Variants in PDE5A observed in about 807,000 individuals in gnomAD.
PDE5A encodes the protein phosphodiesterase 5A.
Under a neutral mutation model 110.2 loss-of-function variants are expected in PDE5A, and 67 were observed. The observed-to-expected ratio is 0.61, with a 90% CI of 0.50 to 0.75. The LOEUF (loss-of-function observed/expected upper bound fraction) is 0.75. PDE5A is among the 30% of genes least tolerant of loss of function. The pLI, the probability that PDE5A is intolerant of heterozygous loss-of-function variation, is 0.00. For synonymous variants in PDE5A, 328 were observed against 351.2 expected (o/e 0.93, Z 0.74); for missense variants, 862 against 1,045.1 (o/e 0.82, Z 2.42).
intron 13 of PDE5A, 91 bp downstream of exon 13, chr4:119,520,844 T>G (rs17291073): frequency 0.031 from 32,761 of 1,058,776 alleles, 622 homozygotes; most frequent in Non-Finnish European, 0.038. Flanking sequence ...TAAATCATTG[T>G]GCACCTTAAA....
chr4:119,507,179 CAA>C (rs1032805324), intron 16 of PDE5A, among the ~76,000 whole-genome samples: 4 of 151,978 alleles, frequency 2.6e-5, no homozygotes, highest in Middle Eastern at 3.4e-3. Flanking sequence ...TAAAAAGAAA[CAA>C]GAGTTACTTG....
At chr4:119,504,892 T>C (rs1244370697) in intron 17 of PDE5A, among the ~76,000 whole-genome samples, 2 of 152,050 alleles carry the variant, frequency 1.3e-5, no homozygotes, top group African/African-American at 4.8e-5. Context: ...TCTTGCCTGC[T>C]TTTATTATTT....
In PDE5A at chr4:119,627,068, G is replaced by A. The variant is rs914312222; in HGVS notation, c.152+1452C>T. Reference sequence around the variant, plus strand: ...ATACATCGTCCCACTGGTGCCACCGGGGCGCCACCACCCAGCACCCGAGAC... The same window carrying A: ...ATACATCGTCCCACTGGTGCCACCGAGGCGCCACCACCCAGCACCCGAGAC... On this transcript the variant is annotated intron_variant, in intron 1 of 20. Transcript: ENST00000354960. The surrounding 1 kb of genome is among the most constrained non-coding windows in gnomAD (Gnocchi z 4.6). The A allele has an allele frequency of 1.3e-6, 2 of 1,509,562 alleles. No individual in the cohort carries two copies. Among genetic ancestry groups the A allele is most frequent in the Non-Finnish European group, 1.8e-6 (2 of 1,096,550 alleles). The allele number at this position is 1,509,562 out of a possible 1,614,324, so 93.5% of individuals were successfully genotyped here. A position where few individuals can be genotyped will look rare whatever the true frequency, so the allele number is the denominator to read the frequency against.
At chr4:119,558,718 C>T (rs933790969) in intron 7 of PDE5A, among the ~76,000 whole-genome samples, 2 of 151,816 alleles carry the variant, frequency 1.3e-5, no homozygotes, top group Admixed American at 1.3e-4. Flanking sequence ...CTAACTTTAC[C>T]ATCCCAGCTA....
intron 20 of PDE5A, among the ~76,000 whole-genome samples, 178 bp from the exon 21 acceptor site, chr4:119,498,916 C>T (rs2110447908): frequency 6.6e-6 from 1 of 152,258 alleles, no homozygotes; most frequent in South Asian, 2.1e-4. Context: ...TTCTAAAACA[C>T]TACAGATAAG....
intron 3 of PDE5A, among the ~76,000 whole-genome samples, chr4:119,580,369 C>T (rs539113174): frequency 6.6e-6 from 1 of 152,296 alleles, no homozygotes; most frequent in South Asian, 2.1e-4. Flanking sequence ...ATAGCCATTG[C>T]GAGCAAAGTC....
intron 1 of PDE5A, among the ~76,000 whole-genome samples, chr4:119,617,545 T>C (rs1190993096): frequency 6.6e-6 from 1 of 152,174 alleles, no homozygotes; most frequent in Admixed American, 6.5e-5. Context: ...GAAAATTAAT[T>C]AAAATATTTT....
At chr4:119,505,226 A>G (rs1225211752) in intron 17 of PDE5A, among the ~76,000 whole-genome samples, 1 of 150,204 alleles carries the variant, frequency 6.7e-6, no homozygotes, top group African/African-American at 2.5e-5. Context: ...ATTGAACTCT[A>G]TGCTTCAGTT....
intron 11 of PDE5A, among the ~76,000 whole-genome samples, chr4:119,529,539 G>C (rs757860391): frequency 6.6e-6 from 1 of 152,088 alleles, no homozygotes; most frequent in Non-Finnish European, 1.5e-5. Context: ...CATTATTTTG[G>C]GGGGACGTGA....
intron 3 of PDE5A, among the ~76,000 whole-genome samples, chr4:119,589,017 T>G (rs1443691747): frequency 6.6e-6 from 1 of 152,176 alleles, no homozygotes; most frequent in African/African-American, 2.4e-5. Flanking sequence ...AAACTGAATT[T>G]CTACTTAATA....
chr4:119,566,045 T>C (rs974139862), intron 4 of PDE5A, among the ~76,000 whole-genome samples: 3 of 151,402 alleles, frequency 2.0e-5, no homozygotes, highest in Non-Finnish European at 4.4e-5. Context: ...CACAATGTGA[T>C]AGAGCCTTAA....
At chr4:119,557,518 A>G (rs1727584900) in intron 7 of PDE5A, among the ~76,000 whole-genome samples, 1 of 152,196 alleles carries the variant, frequency 6.6e-6, no homozygotes, top group African/African-American at 2.4e-5. Context: ...GAGCTTGAAA[A>G]GATAAATTTC....
At chr4:119,575,545 G>T (rs1728303602) in intron 3 of PDE5A, among the ~76,000 whole-genome samples, 1 of 152,138 alleles carries the variant, frequency 6.6e-6, no homozygotes, top group Non-Finnish European at 1.5e-5. Context: ...CATTCTTAAA[G>T]AAAAGAATTT....
At chr4:119,579,245 T>A (rs1390087930) in intron 3 of PDE5A, among the ~76,000 whole-genome samples, 2 of 152,192 alleles carry the variant, frequency 1.3e-5, no homozygotes, top group African/African-American at 4.8e-5. Flanking sequence ...TTGGTGGGAC[T>A]GTAAACTAGT....
intron 1 of PDE5A, among the ~76,000 whole-genome samples, chr4:119,615,158 A>C (rs1729890443): frequency 6.6e-6 from 1 of 152,176 alleles, no homozygotes; most frequent in African/African-American, 2.4e-5. Context: ...CACAGTTTGC[A>C]GTATGAATAG....
chr4:119,586,150 A>G (rs1728756982), intron 3 of PDE5A, among the ~76,000 whole-genome samples: 1 of 152,258 alleles, frequency 6.6e-6, no homozygotes, highest in Non-Finnish European at 1.5e-5. Context: ...AATACGGCAT[A>G]GTACTCATGA....
intron 13 of PDE5A, chr4:119,519,698 C>G (rs1275705616): frequency 1.3e-5 from 2 of 152,066 alleles, no homozygotes; most frequent in Admixed American, 1.3e-4. Flanking sequence ...GCAAAAAACA[C>G]AAGTTAAAAT....
intron 7 of PDE5A, among the ~76,000 whole-genome samples, chr4:119,558,023 G>T (rs926266052): frequency 6.6e-6 from 1 of 152,116 alleles, no homozygotes; most frequent in African/African-American, 2.4e-5. Flanking sequence ...AAGTTAATTA[G>T]TATGGAATTA....
chr4:119,529,571 C>CCTGCAGCTTGCAGTT (rs1290975873), intron 11 of PDE5A, among the ~76,000 whole-genome samples: 1 of 152,228 alleles, frequency 6.6e-6, no homozygotes, highest in East Asian at 1.9e-4. Context: ...ATACTGCAGT[C>CCTGCAGCTTGCAGTT]CTGCAGCTTG....
Sources: gnomAD v4.1 joint callset for allele counts (sites outside exome capture counted in the v4.1 genomes callset) on GRCh38, gnomAD v4.1.1 for gene constraint, Gnocchi (gnomAD v3.1) non-coding constraint, MANE v1.5 for transcripts, NCBI Gene and HGNC (gene_info 2026-07-23, HGNC 2026-07-21) for gene names.